Variants in ABR observed in about 807,000 individuals in gnomAD.
ABR encodes ABR activator of RhoGEF and GTPase.
ABR carries 35 observed loss-of-function variants against 107.2 expected under a neutral mutation model. The observed-to-expected ratio is 0.33, with a 90% CI of 0.25 to 0.43. ABR has a LOEUF of 0.43. Among genes scored for constraint, ABR ranks in the 20% least tolerant of loss-of-function variants. The probability of loss-of-function intolerance (pLI) is 1.00; values close to 1 mark genes in which losing one functional copy is unlikely to be tolerated. For missense variants in ABR, 815 were observed against 1,115.2 expected (o/e 0.73, Z 3.83); for synonymous variants, 498 against 462.0 (o/e 1.08, Z -1.00).
At chr17:1,080,799 T>C (rs1417981311) in intron 5 of ABR, among the ~76,000 whole-genome samples, 1 of 152,094 alleles carries the variant, frequency 6.6e-6, no homozygotes, top group Non-Finnish European at 1.5e-5. Context: ...CCCCAGCCTG[T>C]GTCTCTGGCT....
At chr17:1,099,617 C>T (rs2037731742) in intron 3 of ABR, among the ~76,000 whole-genome samples, 1 of 152,234 alleles carries the variant, frequency 6.6e-6, no homozygotes. Context: ...TGACACGCCA[C>T]GATCACTCTG....
intron 1 of ABR, among the ~76,000 whole-genome samples, chr17:1,160,283 CA>C (rs1014533404): frequency 9.8e-4 from 16 of 16,316 alleles, no homozygotes; most frequent in South Asian, 4.6e-3. Flanking sequence ...AAAAAAAAAC[CA>C]CACACACACA....
chr17:1,008,414 C>T (rs1433678169), intron 21 of ABR, among the ~76,000 whole-genome samples: 1 of 152,252 alleles, frequency 6.6e-6, no homozygotes, highest in Non-Finnish European at 1.5e-5. Context: ...TGCCAACAGG[C>T]AGCTGTGCAG....
At chr17:1,095,034 C>T (rs539311491) in intron 3 of ABR, among the ~76,000 whole-genome samples, 59 of 152,312 alleles carry the variant, frequency 3.9e-4, no homozygotes, top group Admixed American at 1.0e-3. Context: ...TTCACCTCAA[C>T]GCAGGACCCC....
intron 1 of ABR, among the ~76,000 whole-genome samples, chr17:1,141,026 C>T (rs62069400): frequency 0.036 from 5,423 of 152,186 alleles, 124 homozygotes; most frequent in Middle Eastern, 0.075. Context: ...GTGAAAATGA[C>T]ATTAAATAAC....
upstream of ABR, among the ~76,000 whole-genome samples, chr17:1,188,033 T>A (rs2042348930): frequency 1.3e-5 from 2 of 151,010 alleles, no homozygotes; most frequent in Non-Finnish European, 2.9e-5. Flanking sequence ...CTGGCTCATG[T>A]GGTGAAACCC....
At position 1,164,609 on chromosome 17, in the gene ABR, T is replaced by C. The variant is rs150236146; in HGVS notation, c.61+15058A>G. ...GCAAGACGCCCAGTGAACATGAACG[T>C]CGGGTGAGCAACAGACTAGCTTTCA... On this transcript the variant is annotated intron_variant, in intron 1 of 22. Coordinates refer to ENST00000302538, the MANE Select transcript of ABR (RefSeq NM_021962.5). Among the ~76,000 whole-genome samples, 11 of 152,350 alleles carry C rather than the reference T, an allele frequency of 7.2e-5. No individual in the cohort carries two copies. The East Asian group carries it at 2.1e-3, about 29-fold the overall frequency.
chr17:1,018,957 C>A (rs994496178), intron 16 of ABR, among the ~76,000 whole-genome samples: 1 of 152,156 alleles, frequency 6.6e-6, no homozygotes, highest in Non-Finnish European at 1.5e-5. Flanking sequence ...AGCTGGGGTT[C>A]AAAATCAAGG....
intron 12 of ABR, among the ~76,000 whole-genome samples, chr17:1,057,375 G>A (rs1416597314): frequency 2.3e-5 from 3 of 128,990 alleles, no homozygotes; most frequent in Admixed American, 1.7e-4. Context: ...TGGTGTATGC[G>A]TTTTGTTTTC....
intron 2 of ABR, among the ~76,000 whole-genome samples, chr17:1,120,198 C>G (rs921489059): frequency 6.6e-6 from 1 of 152,186 alleles, no homozygotes; most frequent in Admixed American, 6.5e-5. Context: ...ACAAGCCTCT[C>G]TAAGCAGCTG....
chr17:1,225,757 C>T (rs28683000), intron 1 of ABR, among the ~76,000 whole-genome samples: 68,099 of 151,974 alleles, frequency 0.45, 15,696 homozygotes, highest in Middle Eastern at 0.51. Context: ...CCGTCCAAAA[C>T]GCTTTAGAAA....
intron 1 of ABR, among the ~76,000 whole-genome samples, chr17:1,165,352 C>T (rs972543719): frequency 1.3e-5 from 2 of 152,200 alleles, no homozygotes; most frequent in African/African-American, 4.8e-5. Flanking sequence ...GGTGGATGGC[C>T]GGGAGGAGGT....
chr17:1,083,990 T>C (rs990420772), intron 4 of ABR, among the ~76,000 whole-genome samples: 5 of 151,728 alleles, frequency 3.3e-5, no homozygotes, highest in African/African-American at 1.2e-4. Flanking sequence ...CTTCACATCC[T>C]GGAATTAGCC....
intron 1 of ABR, among the ~76,000 whole-genome samples, chr17:1,170,993 C>T (rs546468595): frequency 6.6e-6 from 1 of 152,184 alleles, no homozygotes; most frequent in South Asian, 2.1e-4. Context: ...GGGTCTCTCT[C>T]CTAAAACTTC....
intron 16 of ABR, among the ~76,000 whole-genome samples, chr17:1,041,664 C>T (rs957977940): frequency 9.2e-5 from 14 of 152,118 alleles, no homozygotes; most frequent in Non-Finnish European, 1.9e-4. Flanking sequence ...ACCCGGGAGA[C>T]GGAGGTTGCA....
At position 1,078,920 on chromosome 17, in the gene ABR, C is replaced by T. The variant is rs1019423817; in HGVS notation, c.700+410G>A. 18 of 1,532,214 alleles carry T rather than the reference C, an allele frequency of 1.2e-5. No homozygotes were observed. The highest frequency in any genetic ancestry group is 2.0e-5 in the Admixed American group (1 of 50,650). The allele number at this position is 1,532,214 out of a possible 1,614,324, so 94.9% of individuals were successfully genotyped here. On this transcript the variant is annotated intron_variant, in intron 6 of 22. Coordinates refer to ENST00000302538, the MANE Select transcript of ABR (RefSeq NM_021962.5). The surrounding 1 kb of genome is among the most constrained non-coding windows in gnomAD (Gnocchi z 7.5). ...ATCGCTCCAGGCTCCCCGGCGCCCA[C>T]CAGCAGCCCGGCCACTCAGCCACCT...
At chr17:1,164,567 C>G (rs906507579) in intron 1 of ABR, among the ~76,000 whole-genome samples, 1 of 150,548 alleles carries the variant, frequency 6.6e-6, no homozygotes, top group Non-Finnish European at 1.5e-5. Flanking sequence ...GACAAGCTTT[C>G]GGTCTACAGA....
upstream of ABR, among the ~76,000 whole-genome samples, chr17:1,191,275 C>T (rs2150692466): frequency 6.6e-6 from 1 of 152,146 alleles, no homozygotes; most frequent in African/African-American, 2.4e-5. Flanking sequence ...AGCCTCCCGC[C>T]AAGCTTCCTG....
At chr17:1,191,035 C>G (rs2042420025), upstream of ABR, among the ~76,000 whole-genome samples, 3 of 152,198 alleles carry the variant, frequency 2.0e-5, no homozygotes, top group Admixed American at 2.0e-4. Context: ...TGCGCTGGGC[C>G]ATGGTAACCA....
Sources: allele counts gnomAD v4.1 joint callset (sites outside exome capture counted in the v4.1 genomes callset), GRCh38; gene constraint gnomAD v4.1.1; non-coding constraint Gnocchi (gnomAD v3.1); transcripts MANE v1.5; gene names NCBI Gene and HGNC (gene_info 2026-07-23, HGNC 2026-07-21).